Variants in TFEB observed in about 807,000 individuals in gnomAD.
TFEB encodes T-cell transcription factor EB.
A neutral mutation model predicts 48.0 loss-of-function variants in TFEB; 12 were observed. That is an observed-to-expected ratio of 0.25 (90% CI 0.16 to 0.40). The LOEUF is 0.40. Among genes scored for constraint, TFEB ranks in the 10% least tolerant of loss-of-function variants. The pLI, the probability that TFEB is intolerant of heterozygous loss-of-function variation, is 1.00. For missense variants in TFEB, 509 were observed against 640.3 expected, an observed-to-expected ratio of 0.79 and a Z score of 2.21; for synonymous variants, 244 against 261.4, an observed-to-expected ratio of 0.93 and a Z score of 0.64.
chr6:41,726,214 G>A (rs886283230), intron 1 of TFEB, among the ~76,000 whole-genome samples: 4 of 152,318 alleles, frequency 2.6e-5, no homozygotes, highest in East Asian at 3.9e-4. Context: ...AAAGCCTGAC[G>A]TAAAAGAACA....
chr6:41,733,691 G>T, intron 1 of TFEB: 1 of 984,304 alleles, frequency 1.0e-6, no homozygotes, highest in Non-Finnish European at 1.2e-6. Flanking sequence ...GGGACCTCAA[G>T]GCAGCTGACC....
At chr6:41,710,774 C>G (rs1014244033) in intron 1 of TFEB, among the ~76,000 whole-genome samples, 1 of 152,150 alleles carries the variant, frequency 6.6e-6, no homozygotes, top group Non-Finnish European at 1.5e-5. Context: ...ATCTGGGCCC[C>G]CAGACCCTCC....
At chr6:41,695,687 G>A (rs1487979328) in intron 1 of TFEB, among the ~76,000 whole-genome samples, 1 of 152,224 alleles carries the variant, frequency 6.6e-6, no homozygotes, top group African/African-American at 2.4e-5. Context: ...TACCGCTGGG[G>A]AGGGGAGTGG....
intron 1 of TFEB, among the ~76,000 whole-genome samples, chr6:41,703,032 G>A (rs928427007): frequency 4.6e-5 from 7 of 152,212 alleles, no homozygotes; most frequent in East Asian, 1.9e-4. Context: ...GCCAGGCACC[G>A]GTTTCACTGT....
rs138679180 is a variant in TFEB, at chr6:41,690,770, C to A, written c.361G>T (p.Ala121Ser). 6.2e-7 allele frequency: 1 copy of A among 1,610,544 alleles called. No individual in the cohort carries two copies. Among genetic ancestry groups the A allele is most frequent in the Non-Finnish European group, 8.5e-7 (1 of 1,178,000 alleles). Reference sequence around the variant, plus strand: ...TGTCCAGCTCGCACCCCTGGGGAGGCGGCTGGTGGGGGTTTCGGAGAGCCC... The same window carrying A: ...TGTCCAGCTCGCACCCCTGGGGAGGAGGCTGGTGGGGGTTTCGGAGAGCCC... ...AQGSPKPPPAASPGVRAGHVL... is the reference protein window; with the variant it reads ...AQGSPKPPPASSPGVRAGHVL... Residue 121 changes from alanine to serine, a missense_variant, in exon 3 of 9, where the codon GCC becomes TCC. Transcript: ENST00000373033.
intron 1 of TFEB, among the ~76,000 whole-genome samples, chr6:41,692,834 T>C (rs1414872277): frequency 6.6e-6 from 1 of 152,218 alleles, no homozygotes; most frequent in Non-Finnish European, 1.5e-5. Context: ...TTGGGGATAT[T>C]GCAAGAGGCA....
In TFEB at chr6:41,723,023, T is replaced by C. The variant is rs1581930311; in HGVS notation, c.-23+12327A>G. Among the ~76,000 whole-genome samples the C allele has an allele frequency of 6.6e-6, 1 of 152,182 alleles. No individual in the cohort carries two copies. Among genetic ancestry groups the C allele is most frequent in the East Asian group, 1.9e-4 (1 of 5,192 alleles). On this transcript the variant is annotated intron_variant, in intron 1 of 8. Coordinates refer to ENST00000373033, the MANE Select transcript of TFEB (RefSeq NM_001271944.2). This position sits in a 1 kb window ranked among gnomAD's most constrained non-coding sequence, Gnocchi z 6.0. ...GATTCAAGCAGGTGGATGTAGAGCA[T>C]ATGCTCCCAGCCCCTAATGTAAATG...
In TFEB at chr6:41,732,818, C is replaced by G. The variant is rs1771509697; in HGVS notation, c.-23+2532G>C. ...TCTGGGAACCCTGAACTCCCACCCT[C>G]CGATCAGAGGAGGCCAACCCAATTT... is the stretch of plus-strand genomic sequence containing the variant. On this transcript the variant is annotated intron_variant, in intron 1 of 8. Transcript: ENST00000373033. 4 of 985,838 alleles carry G rather than the reference C, an allele frequency of 4.1e-6. No homozygotes were observed. In the Admixed American group the frequency reaches 2.5e-4, roughly 61 times the overall value. The allele number at this position is 985,838 out of a possible 1,614,324, so 61.1% of individuals were successfully genotyped here.
At chr6:41,685,281 T>C (rs557906955) in intron 8 of TFEB, among the ~76,000 whole-genome samples, 1 of 152,362 alleles carries the variant, frequency 6.6e-6, no homozygotes, top group South Asian at 2.1e-4. Context: ...CATTAGTGGG[T>C]TGTGAAGCCA....
At position 41,723,327 on chromosome 6, in the gene TFEB, C is replaced by G; in HGVS notation, c.-23+12023G>C. Reference sequence around the variant, plus strand: ...GAGGGGCCTCATCCCTACCCACCCACCTCCCCAAAGACACCACACGCATGC... The same window carrying G: ...GAGGGGCCTCATCCCTACCCACCCAGCTCCCCAAAGACACCACACGCATGC... On this transcript the variant is annotated intron_variant, in intron 1 of 8. Coordinates refer to ENST00000373033, the MANE Select transcript of TFEB (RefSeq NM_001271944.2). The surrounding 1 kb of genome is among the most constrained non-coding windows in gnomAD (Gnocchi z 6.0). The G allele has an allele frequency of 1.9e-6, 1 of 534,750 alleles. No individual in the cohort carries two copies. The highest frequency in any genetic ancestry group is 3.2e-6 in the Non-Finnish European group (1 of 313,992). 33.1% of individuals were successfully genotyped at this position (534,750 alleles called of 1,614,324 possible). A position where few individuals can be genotyped will look rare whatever the true frequency, so the allele number is the denominator to read the frequency against.
At chr6:41,693,958 G>A (rs1281740704) in intron 1 of TFEB, among the ~76,000 whole-genome samples, 1 of 24,280 alleles carries the variant, frequency 4.1e-5, no homozygotes, top group African/African-American at 1.7e-4. Flanking sequence ...CCACCCCCTC[G>A]CAGCTGTACC....
chr6:41,730,461 C>G lies in TFEB; in HGVS notation c.-23+4889G>C, dbSNP rs1030704808. ...CAGGTGGCCTGCATGGCCTGGCAAG[C>G]AGGTGCTGGATCTTATGGGGCCAGG... On this transcript the variant is annotated intron_variant, in intron 1 of 8. Coordinates refer to ENST00000373033, the MANE Select transcript of TFEB (RefSeq NM_001271944.2). This position sits in a 1 kb window ranked among gnomAD's most constrained non-coding sequence, Gnocchi z 4.1. Among the ~76,000 whole-genome samples, 4 of 152,180 alleles carry G rather than the reference C, an allele frequency of 2.6e-5. No individual in the cohort carries two copies. The highest frequency in any genetic ancestry group is 9.7e-5 in the African/African-American group (4 of 41,440).
chr6:41,686,828 G>A (rs2127445925), intron 7 of TFEB: 2 of 521,170 alleles, frequency 3.8e-6, no homozygotes, highest in East Asian at 3.3e-5. Context: ...CAGCCCAATG[G>A]CCTTAAGAAA....
At chr6:41,714,336 C>A (rs555336839) in intron 1 of TFEB, among the ~76,000 whole-genome samples, 1 of 152,184 alleles carries the variant, frequency 6.6e-6, no homozygotes, top group Non-Finnish European at 1.5e-5. Context: ...CTGAGCCCAT[C>A]GTGTTTGTTT....
intron 1 of TFEB, among the ~76,000 whole-genome samples, chr6:41,697,090 T>C (rs1166567522): frequency 6.6e-6 from 1 of 152,118 alleles, no homozygotes; most frequent in Non-Finnish European, 1.5e-5. Context: ...TGTGTTGTAT[T>C]CTCATTTTAA....
chr6:41,706,779 G>A (rs897449439), intron 1 of TFEB, among the ~76,000 whole-genome samples: 6 of 151,212 alleles, frequency 4.0e-5, no homozygotes, highest in African/African-American at 1.5e-4. Flanking sequence ...CCCACCCACC[G>A]GATGGAGTGA....
intron 4 of TFEB, among the ~76,000 whole-genome samples, chr6:41,689,166 C>T (rs888299697): frequency 6.6e-6 from 1 of 152,176 alleles, no homozygotes; most frequent in Non-Finnish European, 1.5e-5. Flanking sequence ...AGCCAGGCTT[C>T]TTGACTCCAA....
intron 1 of TFEB, among the ~76,000 whole-genome samples, chr6:41,697,506 C>CG (rs1482495202): frequency 6.7e-6 from 1 of 150,244 alleles, no homozygotes; most frequent in Admixed American, 6.6e-5. Context: ...TCTCCAAACC[C>CG]CCCCCCTTCC....
chr6:41,716,822 T>TC (rs942108314), intron 1 of TFEB, among the ~76,000 whole-genome samples: 1 of 152,104 alleles, frequency 6.6e-6, no homozygotes, highest in African/African-American at 2.4e-5. Flanking sequence ...CACCACCTCC[T>TC]CCCACCTCAC....
Sources: allele counts gnomAD v4.1 joint callset (sites outside exome capture counted in the v4.1 genomes callset), GRCh38; gene constraint gnomAD v4.1.1; non-coding constraint Gnocchi (gnomAD v3.1); transcripts MANE v1.5; gene names NCBI Gene and HGNC (gene_info 2026-07-23, HGNC 2026-07-21).